Variants in ERBB4 observed in about 807,000 individuals in gnomAD.
The protein encoded by ERBB4 is receptor tyrosine-protein kinase erbB-4.
In ERBB4, 42 loss-of-function variants were observed where a neutral mutation model predicts 158.0. The observed-to-expected ratio is 0.27, with a 90% CI of 0.21 to 0.34. The LOEUF (loss-of-function observed/expected upper bound fraction) is 0.34, where lower values mean the gene tolerates loss of function less well. Ranked by LOEUF, ERBB4 falls within the 10% of genes least tolerant of loss-of-function variation. ERBB4 has a pLI of 1.00. For missense variants in ERBB4, 1,333 were observed against 1,624.1 expected (o/e 0.82, Z 3.08); for synonymous variants, 583 against 558.7 (o/e 1.04, Z -0.61).
intron 2 of ERBB4, among the ~76,000 whole-genome samples, chr2:212,086,947 T>C (rs1330932590): frequency 2.0e-5 from 3 of 151,950 alleles, no homozygotes; most frequent in Non-Finnish European, 4.4e-5. Context: ...CTTCCAACAG[T>C]TTCGAATAGA....
At chr2:211,509,953 T>A (rs934237008) in intron 20 of ERBB4, among the ~76,000 whole-genome samples, 1 of 152,042 alleles carries the variant, frequency 6.6e-6, no homozygotes, top group Non-Finnish European at 1.5e-5. Flanking sequence ...CAGATGCTAT[T>A]GAGGCTGAAG....
chr2:212,009,420 T>A (rs2076333620), intron 2 of ERBB4, among the ~76,000 whole-genome samples: 1 of 149,748 alleles, frequency 6.7e-6, no homozygotes, highest in East Asian at 2.0e-4. Context: ...GGCTACTAGA[T>A]GTTGGAAGGG....
At chr2:212,280,027 G>A (rs2085693077) in intron 1 of ERBB4, among the ~76,000 whole-genome samples, 1 of 151,532 alleles carries the variant, frequency 6.6e-6, no homozygotes, top group African/African-American at 2.4e-5. Context: ...CAATTGAATT[G>A]CAATGTAAAG....
In ERBB4 at chr2:211,769,718, G is replaced by A. The variant is rs1470957671; in HGVS notation, c.556+18307C>T. The stretch of plus-strand genomic sequence containing the variant: ...CAAACCACTGGTGTTAAGTCCAAGA[G>A]TCCAAAAGCTGAAGAACTTGGAGTC... On this transcript the variant is annotated intron_variant, in intron 4 of 27. Coordinates refer to ENST00000342788, the MANE Select transcript of ERBB4 (RefSeq NM_005235.3). Among the ~76,000 whole-genome samples, 5 of 152,192 alleles carry A rather than the reference G, an allele frequency of 3.3e-5. No homozygotes were observed. The South Asian group carries it at 6.2e-4, about 19-fold the overall frequency.
At chr2:211,519,311 T>A (rs11899624) in intron 20 of ERBB4, among the ~76,000 whole-genome samples, 4,130 of 152,264 alleles carry the variant, frequency 0.027, 180 homozygotes, top group African/African-American at 0.094. Context: ...TACATCCTAT[T>A]AATATAGACT....
chr2:211,961,833 G>A (rs2081187148), intron 2 of ERBB4, among the ~76,000 whole-genome samples: 1 of 151,976 alleles, frequency 6.6e-6, no homozygotes, highest in East Asian at 1.9e-4. Context: ...TAAGAAGAGG[G>A]AAAAAAGGAG....
chr2:211,731,835 A>T (rs2074435655), intron 5 of ERBB4, among the ~76,000 whole-genome samples: 1 of 152,160 alleles, frequency 6.6e-6, no homozygotes, highest in African/African-American at 2.4e-5. Flanking sequence ...GTTCAATGAA[A>T]CTAATGCCAA....
intron 20 of ERBB4, among the ~76,000 whole-genome samples, chr2:211,511,404 T>C (rs981663946): frequency 6.6e-6 from 1 of 151,988 alleles, no homozygotes; most frequent in Non-Finnish European, 1.5e-5. Flanking sequence ...CAGACAGATA[T>C]ATTACACAAA....
intron 1 of ERBB4, among the ~76,000 whole-genome samples, chr2:212,426,918 G>A (rs200617357): frequency 2.6e-5 from 4 of 152,166 alleles, no homozygotes; most frequent in East Asian, 3.9e-4. Flanking sequence ...GTTTGCAAAC[G>A]GGATAAATAT....
intron 1 of ERBB4, among the ~76,000 whole-genome samples, chr2:212,130,971 T>A (rs2080090375): frequency 6.6e-6 from 1 of 152,208 alleles, no homozygotes; most frequent in Non-Finnish European, 1.5e-5. Flanking sequence ...TGTTAATAAA[T>A]GCACCTTGGA....
At chr2:211,590,388 T>C (rs574381409) in intron 19 of ERBB4, among the ~76,000 whole-genome samples, 77 of 152,324 alleles carry the variant, frequency 5.1e-4, no homozygotes, top group African/African-American at 1.8e-3. Flanking sequence ...AGGAGTCACA[T>C]AGCTGGAGGC....
chr2:211,500,918 T>C (rs115810049), intron 20 of ERBB4, among the ~76,000 whole-genome samples: 3,846 of 152,150 alleles, frequency 0.025, 62 homozygotes, highest in Non-Finnish European at 0.039. Context: ...ATAACAGTAA[T>C]GGTCTTACAT....
intron 20 of ERBB4, among the ~76,000 whole-genome samples, chr2:211,497,492 T>C (rs1025905405): frequency 6.6e-6 from 1 of 151,942 alleles, no homozygotes; most frequent in Non-Finnish European, 1.5e-5. Flanking sequence ...ATAAAAAAAA[T>C]CACTGATAGG....
At chr2:211,901,889 T>C (rs9653337) in intron 3 of ERBB4, among the ~76,000 whole-genome samples, 54,978 of 152,066 alleles carry the variant, frequency 0.36, 11,012 homozygotes, top group African/African-American at 0.54. Context: ...ATTTACAATG[T>C]TTTTAAAAAA....
chr2:211,527,467 G>A (rs907350227), intron 20 of ERBB4, among the ~76,000 whole-genome samples: 1 of 152,020 alleles, frequency 6.6e-6, no homozygotes, highest in Non-Finnish European at 1.5e-5. Context: ...CTTCAACTGG[G>A]AAGAAAAGCA....
At chr2:212,480,429 G>T (rs189083621) in intron 1 of ERBB4, among the ~76,000 whole-genome samples, 3 of 152,322 alleles carry the variant, frequency 2.0e-5, no homozygotes, top group Admixed American at 2.0e-4. Context: ...GGCCACGATG[G>T]AGATTTTGGA....
At chr2:211,596,730 A>C (rs2068642789) in intron 19 of ERBB4, among the ~76,000 whole-genome samples, 1 of 151,822 alleles carries the variant, frequency 6.6e-6, no homozygotes, top group Admixed American at 6.6e-5. Context: ...CTACATGTGT[A>C]ACAACTAAAG....
intron 1 of ERBB4, among the ~76,000 whole-genome samples, chr2:212,420,575 C>A (rs925671396): frequency 4.6e-5 from 7 of 152,234 alleles, no homozygotes; most frequent in African/African-American, 1.7e-4. Flanking sequence ...CATAAGCACA[C>A]AGGCTTTTGT....
chr2:211,534,760 A>G (rs2066598261), intron 20 of ERBB4, among the ~76,000 whole-genome samples: 1 of 152,124 alleles, frequency 6.6e-6, no homozygotes, highest in South Asian at 2.1e-4. Flanking sequence ...GCCCTGCTGC[A>G]TACTGAGAGG....
Sources: allele counts gnomAD v4.1 joint callset (sites outside exome capture counted in the v4.1 genomes callset), GRCh38; gene constraint gnomAD v4.1.1; transcripts MANE v1.5; gene names NCBI Gene and HGNC (gene_info 2026-07-23, HGNC 2026-07-21).